The following PRKCE variants were observed in gnomAD, a reference collection of about 807,000 sequenced individuals.
PRKCE encodes protein kinase C epsilon.
A neutral mutation model predicts 85.4 loss-of-function variants in PRKCE; 16 were observed. The ratio of observed to expected loss-of-function variants is 0.19; its 90% CI spans 0.13 to 0.28. The LOEUF (loss-of-function observed/expected upper bound fraction) is 0.28. PRKCE is among the 10% of genes least tolerant of loss of function. The probability of loss-of-function intolerance (pLI) is 1.00; values close to 1 mark genes in which losing one functional copy is unlikely to be tolerated. For synonymous variants in PRKCE, 388 were observed against 371.5 expected (o/e 1.04, Z -0.51); for missense variants, 573 against 975.2 (o/e 0.59, Z 5.49).
At chr2:45,977,247 G>A (rs1365354974) in intron 3 of PRKCE, among the ~76,000 whole-genome samples, 5 of 152,124 alleles carry the variant, frequency 3.3e-5, no homozygotes, top group African/African-American at 9.7e-5. Flanking sequence ...ACACCTCAGG[G>A]TGAGGATTCC....
At chr2:45,855,198 C>A (rs988746885) in intron 2 of PRKCE, among the ~76,000 whole-genome samples, 17 of 152,112 alleles carry the variant, frequency 1.1e-4, no homozygotes, top group Admixed American at 3.9e-4. Flanking sequence ...CAAGTAACTT[C>A]CATAAATATA....
chr2:46,129,691 T>G (rs1349836992), intron 11 of PRKCE, among the ~76,000 whole-genome samples: 1 of 152,250 alleles, frequency 6.6e-6, no homozygotes, highest in Non-Finnish European at 1.5e-5. Context: ...AGCCTCGTGT[T>G]CATGCTGGCT....
At chr2:45,771,343 G>A (rs1235365593) in intron 1 of PRKCE, among the ~76,000 whole-genome samples, 1 of 152,188 alleles carries the variant, frequency 6.6e-6, no homozygotes, top group Non-Finnish European at 1.5e-5. Context: ...TTTTCTGGCA[G>A]ATGCTGTGAG....
At chr2:46,046,987 C>T (rs1263633170) in intron 10 of PRKCE, among the ~76,000 whole-genome samples, 1 of 152,162 alleles carries the variant, frequency 6.6e-6, no homozygotes, top group Middle Eastern at 3.2e-3. Context: ...CTTTCCTCAA[C>T]TTAGTGGGGA....
chr2:45,651,886 C>A lies in PRKCE; in HGVS notation c.-215C>A, dbSNP rs762235744. Reference sequence around the variant, plus strand: ...CACGGACATCCCCCAGCTCTCCCCCCTCCCTGTTTTCCGTTAGGAACCCGG... The same window carrying A: ...CACGGACATCCCCCAGCTCTCCCCCATCCCTGTTTTCCGTTAGGAACCCGG... On this transcript the variant is annotated 5_prime_UTR_variant, in exon 1 of 15. Coordinates refer to ENST00000306156, the MANE Select transcript of PRKCE (RefSeq NM_005400.3). 3 of 494,342 alleles carry A rather than the reference C, an allele frequency of 6.1e-6. No homozygotes were observed. Among genetic ancestry groups the A allele is most frequent in the African/African-American group, 1.9e-5 (1 of 51,782 alleles). The allele number at this position is 494,342 out of a possible 1,614,324, so 30.6% of individuals were successfully genotyped here.
chr2:46,052,729 A>C (rs1708933105), intron 10 of PRKCE, among the ~76,000 whole-genome samples: 2 of 152,240 alleles, frequency 1.3e-5, no homozygotes, highest in Admixed American at 1.3e-4. Context: ...CAGTTGGAGG[A>C]CTTAAATTCC....
intron 1 of PRKCE, among the ~76,000 whole-genome samples, chr2:45,710,936 T>C (rs1454052538): frequency 6.6e-6 from 1 of 152,172 alleles, no homozygotes; most frequent in Non-Finnish European, 1.5e-5. Flanking sequence ...TTCTCTCGCT[T>C]AACATGGGGT....
intron 10 of PRKCE, chr2:46,078,392 T>C (rs62129020): frequency 6.8e-6 from 1 of 147,662 alleles, no homozygotes; most frequent in African/African-American, 2.6e-5. Flanking sequence ...AAAAAAAAAT[T>C]AGCTGGACAT....
chr2:45,749,759 A>G (rs749221958), intron 1 of PRKCE, among the ~76,000 whole-genome samples: 11 of 152,216 alleles, frequency 7.2e-5, no homozygotes, highest in Non-Finnish European at 1.3e-4. Context: ...CCAGAATTGA[A>G]CATGAGTCTG....
At chr2:45,681,271 A>G (rs1244075127) in intron 1 of PRKCE, among the ~76,000 whole-genome samples, 3 of 129,870 alleles carry the variant, frequency 2.3e-5, no homozygotes, top group Non-Finnish European at 4.7e-5. Flanking sequence ...CCTGGGAGAC[A>G]GAGCAAGACT....
At chr2:45,800,294 G>A (rs989061930) in intron 1 of PRKCE, among the ~76,000 whole-genome samples, 3 of 152,252 alleles carry the variant, frequency 2.0e-5, no homozygotes, top group African/African-American at 7.2e-5. Flanking sequence ...AGGCTGTTCA[G>A]TATAAGTCAC....
chr2:45,743,614 A>G (rs763792042), intron 1 of PRKCE, among the ~76,000 whole-genome samples: 1 of 152,142 alleles, frequency 6.6e-6, no homozygotes, highest in Non-Finnish European at 1.5e-5. Context: ...TATCTTTCAG[A>G]TCCCGCCCTG....
chr2:45,931,600 A>G (rs760340216), intron 2 of PRKCE, among the ~76,000 whole-genome samples: 1 of 152,220 alleles, frequency 6.6e-6, no homozygotes, highest in Non-Finnish European at 1.5e-5. Flanking sequence ...CAAATGTTCT[A>G]TAATTGAATA....
chr2:45,868,623 T>A (rs911603403), intron 2 of PRKCE, among the ~76,000 whole-genome samples: 3 of 150,492 alleles, frequency 2.0e-5, no homozygotes, highest in Admixed American at 6.6e-5. Context: ...CATGCCTGGC[T>A]GATTTTTGTC....
intron 11 of PRKCE, among the ~76,000 whole-genome samples, chr2:46,090,652 A>T (rs1315832882): frequency 2.0e-5 from 3 of 152,064 alleles, no homozygotes; most frequent in African/African-American, 7.2e-5. Context: ...TTTTTCTGTG[A>T]CCCTAGAAAA....
chr2:45,667,480 T>C (rs1189845187), intron 1 of PRKCE, among the ~76,000 whole-genome samples: 3 of 152,116 alleles, frequency 2.0e-5, no homozygotes, highest in Non-Finnish European at 4.4e-5. Context: ...GAATTTATAA[T>C]ATTGATCTAA....
chr2:45,791,799 C>T (rs1001028911), intron 1 of PRKCE, among the ~76,000 whole-genome samples: 3 of 152,178 alleles, frequency 2.0e-5, no homozygotes, highest in African/African-American at 7.2e-5. Flanking sequence ...TCTGTAACTC[C>T]AGTGGAGCAT....
chr2:46,145,608 C>T lies in PRKCE; in HGVS notation c.1731+377C>T, dbSNP rs1317579923. On this transcript the variant is annotated intron_variant, in intron 12 of 14. Coordinates refer to ENST00000306156, the MANE Select transcript of PRKCE (RefSeq NM_005400.3). The surrounding 1 kb of genome is among the most constrained non-coding windows in gnomAD (Gnocchi z 4.6). ...ACAGGGTGGGCACAGTGACTCACAT[C>T]TGTAATCCCAGCACTTTGGGAGGCC... Among the ~76,000 whole-genome samples the T allele has an allele frequency of 6.6e-6, 1 of 152,188 alleles. No individual in the cohort carries two copies. The highest frequency in any genetic ancestry group is 3.2e-3 in the Middle Eastern group (1 of 316).
chr2:45,938,693 A>T (rs775587797), intron 2 of PRKCE, among the ~76,000 whole-genome samples: 16 of 151,908 alleles, frequency 1.1e-4, no homozygotes, highest in Non-Finnish European at 2.1e-4. Context: ...AACTCATGGT[A>T]TCATGCCTTA....
Sources: allele counts gnomAD v4.1 joint callset (sites outside exome capture counted in the v4.1 genomes callset), GRCh38; gene constraint gnomAD v4.1.1; non-coding constraint Gnocchi (gnomAD v3.1); transcripts MANE v1.5; gene names NCBI Gene and HGNC (gene_info 2026-07-23, HGNC 2026-07-21).